Variants in MYCBP2 observed in about 807,000 individuals in gnomAD.
MYCBP2 encodes MYC binding protein 2.
A neutral mutation model predicts 525.3 loss-of-function variants in MYCBP2; 120 were observed. The ratio of observed to expected loss-of-function variants is 0.23; its 90% CI spans 0.20 to 0.27. The LOEUF (loss-of-function observed/expected upper bound fraction) is 0.27, where lower values mean the gene tolerates loss of function less well. Ranked by LOEUF, MYCBP2 falls within the 10% of genes least tolerant of loss-of-function variation. The probability of loss-of-function intolerance (pLI) is 1.00; values close to 1 mark genes in which losing one functional copy is unlikely to be tolerated. For synonymous variants in MYCBP2, 1,894 were observed against 1,955.8 expected (o/e 0.97, Z 0.83); for missense variants, 4,149 against 5,657.1 (o/e 0.73, Z 8.55).
intron 1 of MYCBP2, among the ~76,000 whole-genome samples, chr13:77,309,957 C>T (rs2079964505): frequency 1.3e-5 from 2 of 151,938 alleles, no homozygotes; most frequent in East Asian, 1.9e-4. Context: ...ACTAAAAATA[C>T]AAAAATTAGC....
rs186953264 is a variant in MYCBP2 at position 77,169,833 on chromosome 13, T to C, written c.5795-119A>G. ...TGAGCGAAACTATAGTTGACACCAA[T>C]TGGGTGCTTGTCAAGGGCCTGGTAC... On this transcript the variant is annotated intron_variant, in intron 38 of 82. Coordinates refer to ENST00000544440, the MANE Select transcript of MYCBP2 (RefSeq NM_015057.5). The C allele has an allele frequency of 2.6e-5, 21 of 808,144 alleles. No individual in the cohort carries two copies. In the Admixed American group the frequency reaches 2.8e-4, roughly 11 times the overall value. 50.1% of individuals were successfully genotyped at this position (808,144 alleles called of 1,614,324 possible). A position where few individuals can be genotyped will look rare whatever the true frequency, so the allele number is the denominator to read the frequency against.
intron 59 of MYCBP2, 191 bp from the exon 60 acceptor site, chr13:77,090,454 T>G (rs926228061): frequency 2.4e-6 from 1 of 409,018 alleles, no homozygotes; most frequent in Non-Finnish European, 4.3e-6. Flanking sequence ...GATTTCAGCA[T>G]TGTACCTTAA....
chr13:77,229,165 T>C (rs968613812), intron 18 of MYCBP2, among the ~76,000 whole-genome samples: 3 of 152,236 alleles, frequency 2.0e-5, no homozygotes, highest in Admixed American at 1.3e-4. Flanking sequence ...AACTGGACAC[T>C]GGACCTTCTG....
chr13:77,261,065 T>C, intron 12 of MYCBP2, 106 bp downstream of exon 12: 1 of 777,712 alleles, frequency 1.3e-6, no homozygotes, highest in Non-Finnish European at 2.0e-6. Flanking sequence ...TATATAAAGT[T>C]GGTGTGGTGT....
intron 75 of MYCBP2, among the ~76,000 whole-genome samples, 155 bp from the exon 76 acceptor site, chr13:77,061,456 G>A (rs936996350): frequency 3.9e-5 from 6 of 152,092 alleles, no homozygotes; most frequent in South Asian, 2.1e-4. Context: ...CTTCACAGCA[G>A]TCCCTTTTTT....
intron 20 of MYCBP2, among the ~76,000 whole-genome samples, chr13:77,220,150 C>A (rs572202960): frequency 6.6e-6 from 1 of 151,826 alleles, no homozygotes; most frequent in Admixed American, 6.6e-5. Flanking sequence ...CCTAGCACCA[C>A]GACCAAGAGA....
In MYCBP2 at chr13:77,195,589, CT is replaced by C. The variant is rs1470249059; in HGVS notation, c.3844-1346del. Among the ~76,000 whole-genome samples, 4 of 110,538 alleles carry C rather than the reference CT, an allele frequency of 3.6e-5. No homozygotes were observed. In the Admixed American group the frequency reaches 3.7e-4, roughly 10 times the overall value. The allele number at this position is 110,538 out of a possible 152,430, so 72.5% of individuals were successfully genotyped here. A position where few individuals can be genotyped will look rare whatever the true frequency, so the allele number is the denominator to read the frequency against. ...TCCAGTGTGGGCTACCAAAGAGACT[CT>C]TAAAAAAAAATAGTCCGAAATAATC... On this transcript the variant is annotated intron_variant, in intron 26 of 82. Coordinates refer to ENST00000544440, the MANE Select transcript of MYCBP2 (RefSeq NM_015057.5).
chr13:77,089,134 T>C (rs2044893579), intron 60 of MYCBP2, 103 bp from the exon 61 acceptor site: 1 of 821,710 alleles, frequency 1.2e-6, no homozygotes. Context: ...ATTGGTTTTT[T>C]GAACATGACA....
Position 77,081,772 on chromosome 13 carries a change from A to G in MYCBP2, c.11193+65T>C. ...GGATCAAATTGATTATGAATAACTT[A>G]CAGTTTCTCCTTTGATGTATTATTA... On this transcript the variant is annotated intron_variant, in intron 64 of 82. Transcript: ENST00000544440. The surrounding 1 kb of genome is among the most constrained non-coding windows in gnomAD (Gnocchi z 4.6). 1 of 1,552,262 alleles carries G rather than the reference A, an allele frequency of 6.4e-7. No homozygotes were observed. The highest frequency in any genetic ancestry group is 8.7e-7 in the Non-Finnish European group (1 of 1,147,564).
chr13:77,067,284 AC>A (rs1394135232), intron 71 of MYCBP2, among the ~76,000 whole-genome samples: 3 of 152,216 alleles, frequency 2.0e-5, no homozygotes, highest in African/African-American at 4.8e-5. Flanking sequence ...TGGCAAAAAA[AC>A]ATATTACCTA....
intron 18 of MYCBP2, among the ~76,000 whole-genome samples, chr13:77,231,408 CATT>C (rs1260300393): frequency 6.6e-6 from 1 of 151,924 alleles, no homozygotes. Context: ...TTATTGTTAT[CATT>C]ATTATTTGTA....
In MYCBP2 at chr13:77,181,829, T is replaced by C; in HGVS notation, c.4813A>G (p.Ile1605Val). 1 of 1,614,138 alleles carries C rather than the reference T, an allele frequency of 6.2e-7. No individual in the cohort carries two copies. Among genetic ancestry groups the C allele is most frequent in the East Asian group, 2.2e-5 (1 of 44,878 alleles). Residue 1605 changes from isoleucine (I) to valine (V), a missense_variant, in exon 33 of 83, where the codon ATC becomes GTC. Ile to Val is a conservative substitution (Grantham distance 29). Coordinates refer to ENST00000544440, the MANE Select transcript of MYCBP2 (RefSeq NM_015057.5). ...TCTCCATCATACGCAATCGGGAAGATGGAAGTCAGCTTAACAGACGTGTGA... is the reference window on the plus strand; with the variant it reads ...TCTCCATCATACGCAATCGGGAAGACGGAAGTCAGCTTAACAGACGTGTGA... ...LCHTSVKLTS[I>V]FPIAYDGEVL...
chr13:77,166,265 C>G, intron 41 of MYCBP2, 64 bp downstream of exon 41: 1 of 1,111,508 alleles, frequency 9.0e-7, no homozygotes, highest in Non-Finnish European at 1.3e-6. Flanking sequence ...AATGATACAC[C>G]CTTACTAAAT....
chr13:77,256,511 C>T (rs1199865524), intron 14 of MYCBP2, among the ~76,000 whole-genome samples: 3 of 151,810 alleles, frequency 2.0e-5, no homozygotes, highest in Non-Finnish European at 4.4e-5. Context: ...AGTGGTTTTC[C>T]TAATTCACAA....
intron 15 of MYCBP2, among the ~76,000 whole-genome samples, chr13:77,246,880 C>A (rs781042792): frequency 1.3e-5 from 2 of 152,100 alleles, no homozygotes; most frequent in African/African-American, 2.4e-5. Context: ...ACATGATCAT[C>A]TCAATTGATG....
At chr13:77,138,981 C>T (rs1176806568) in intron 52 of MYCBP2, among the ~76,000 whole-genome samples, 3 of 152,098 alleles carry the variant, frequency 2.0e-5, no homozygotes, top group Non-Finnish European at 4.4e-5. Flanking sequence ...TTACTACTTC[C>T]TGCCTATCTG....
At chr13:77,174,621 T>TA in intron 36 of MYCBP2, 132 bp from the exon 37 acceptor site, 5 of 679,662 alleles carry the variant, frequency 7.4e-6, no homozygotes, top group Non-Finnish European at 1.2e-5. Flanking sequence ...TTAAATAAGT[T>TA]TTTAATGAAT....
Position 77,273,990 on chromosome 13 carries a change from T to C in MYCBP2, c.749-322A>G, listed in dbSNP as rs7317131. 2.4e-3 allele frequency among the ~76,000 whole-genome samples: 365 copies of C among 152,296 alleles called. 5 individuals are homozygous for C. The highest frequency in any genetic ancestry group is 8.5e-3 in the African/African-American group (355 of 41,580). The stretch of plus-strand genomic sequence containing the variant: ...CAAGTAATAGACTACTTGTCATACT[T>C]ATTTTACCTTTTAGATTAGGAGGCT... On this transcript the variant is annotated intron_variant, in intron 4 of 82. Coordinates refer to ENST00000544440, the MANE Select transcript of MYCBP2 (RefSeq NM_015057.5).
intron 55 of MYCBP2, among the ~76,000 whole-genome samples, chr13:77,113,181 C>A (rs574371216): frequency 6.6e-6 from 1 of 152,262 alleles, no homozygotes; most frequent in Non-Finnish European, 1.5e-5. Context: ...CTCATCTCCA[C>A]TCCTCCTTGC....
Sources: allele counts gnomAD v4.1 joint callset (sites outside exome capture counted in the v4.1 genomes callset), GRCh38; gene constraint gnomAD v4.1.1; non-coding constraint Gnocchi (gnomAD v3.1); transcripts MANE v1.5; gene names NCBI Gene and HGNC (gene_info 2026-07-23, HGNC 2026-07-21).